NDE1: variants seen among roughly 807,000 people sequenced by gnomAD.
The protein encoded by NDE1 is nuclear distribution protein nudE homolog 1.
NDE1 carries 28 observed loss-of-function variants against 43.4 expected under a neutral mutation model. The observed-to-expected ratio is 0.65, with a 90% CI of 0.48 to 0.89. NDE1 has a LOEUF of 0.89. Among genes scored for constraint, NDE1 ranks in the 40% least tolerant of loss-of-function variants. The probability of loss-of-function intolerance (pLI) is 0.00; values close to 1 mark genes in which losing one functional copy is unlikely to be tolerated. For synonymous variants in NDE1, 184 were observed against 172.0 expected (o/e 1.07, Z -0.55); for missense variants, 441 against 434.1 (o/e 1.02, Z -0.14).
At chr16:15,663,432 C>T (rs1031120447) in intron 1 of NDE1, among the ~76,000 whole-genome samples, 8 of 151,652 alleles carry the variant, frequency 5.3e-5, no homozygotes, top group East Asian at 1.9e-4. Context: ...TTAGTAGAGA[C>T]GGAGTTTCAC....
At chr16:15,717,103 C>G (rs528939317) in intron 8 of NDE1, 681 of 1,605,196 alleles carry the variant, frequency 4.2e-4, no homozygotes, top group Admixed American at 8.3e-4. Flanking sequence ...TCCATCACCC[C>G]CCTGCAAACT....
At position 15,687,437 on chromosome 16, in the gene NDE1, C is replaced by T. The variant is rs1349271433; in HGVS notation, c.449C>T (p.Ala150Val). Reference sequence around the variant, plus strand: ...TTGAATCAGGCCATCGAAAGAAATGCCTTCCTGGAAAGTGAACTTGATGAA... The same window carrying T: ...TTGAATCAGGCCATCGAAAGAAATGTCTTCCTGGAAAGTGAACTTGATGAA... ...QRLNQAIERNAFLESELDEKE... is the reference protein window; with the variant it reads ...QRLNQAIERNVFLESELDEKE... The change falls in exon 5 of 9, where the codon GCC becomes GTC. Residue 150 changes from alanine to valine, a missense_variant. Physicochemically the swap from Ala to Val is moderately conservative, Grantham distance 64. Coordinates refer to ENST00000396354, the MANE Select transcript of NDE1 (RefSeq NM_017668.3). The T allele has an allele frequency of 6.2e-7, 1 of 1,614,202 alleles. No individual in the cohort carries two copies. The highest frequency in any genetic ancestry group is 1.3e-5 in the African/African-American group (1 of 75,048).
intron 5 of NDE1, among the ~76,000 whole-genome samples, chr16:15,690,337 C>CTTTTTTTTTTTTCT (rs2038671438): frequency 1.3e-5 from 1 of 74,108 alleles, no homozygotes; most frequent in Non-Finnish European, 2.7e-5. Flanking sequence ...TGCAACTGGC[C>CTTTTTTTTTTTTCT]TTTTTTTTTT....
At chr16:15,668,280 T>C (rs989484947) in intron 3 of NDE1, among the ~76,000 whole-genome samples, 4 of 152,102 alleles carry the variant, frequency 2.6e-5, no homozygotes, top group African/African-American at 9.7e-5. Context: ...GGAGAATCAC[T>C]TGATGGTTGG....
intron 1 of NDE1, among the ~76,000 whole-genome samples, chr16:15,655,497 G>A (rs1238361305): frequency 6.6e-6 from 1 of 152,210 alleles, no homozygotes; most frequent in African/African-American, 2.4e-5. Flanking sequence ...TTTTAAGGAT[G>A]TGGAGAAATA....
rs140655127 is a variant in NDE1 at position 15,716,379 on chromosome 16, G to C, written c.948-7812G>C. Among the ~76,000 whole-genome samples, 1,099 of 152,324 alleles carry C rather than the reference G, an allele frequency of 7.2e-3. 12 individuals carry two copies. Among genetic ancestry groups the C allele is most frequent in the African/African-American group, 0.026 (1,071 of 41,568 alleles). ...GTGCGAATTACTGAAAAAGCTACTAGAAGAGAATGGGTGAGAATCCTTAGA... is the reference window on the plus strand; with the variant it reads ...GTGCGAATTACTGAAAAAGCTACTACAAGAGAATGGGTGAGAATCCTTAGA... On this transcript the variant is annotated intron_variant, in intron 8 of 8. Transcript: ENST00000396354.
At position 15,679,348 on chromosome 16, in the gene NDE1, C is replaced by T. The variant is rs144210513; in HGVS notation, c.386+1399C>T. On this transcript the variant is annotated intron_variant, in intron 4 of 8. Transcript: ENST00000396354. Reference sequence around the variant, plus strand: ...TTCTTTTTCTCCTGTCCGTCTCGGACGCCATCTATACACATAACCTTTTTA... The same window carrying T: ...TTCTTTTTCTCCTGTCCGTCTCGGATGCCATCTATACACATAACCTTTTTA... Among the ~76,000 whole-genome samples the T allele has an allele frequency of 2.6e-3, 394 of 152,262 alleles. 1 individual carries two copies. The highest frequency in any genetic ancestry group is 8.6e-3 in the African/African-American group (359 of 41,566).
chr16:15,706,703 CA>C (rs1309892852), intron 8 of NDE1, among the ~76,000 whole-genome samples: 23 of 127,958 alleles, frequency 1.8e-4, no homozygotes, highest in African/African-American at 2.6e-4. Context: ...AGACTGTCTC[CA>C]AAAAAAAAAA....
At chr16:15,692,070 A>T (rs1488698300) in intron 6 of NDE1, among the ~76,000 whole-genome samples, 2 of 151,168 alleles carry the variant, frequency 1.3e-5, no homozygotes, top group Non-Finnish European at 2.9e-5. Flanking sequence ...GCATGGGCAG[A>T]AAAAAAGAAT....
chr16:15,654,155 G>A (rs978819451), intron 1 of NDE1, among the ~76,000 whole-genome samples: 1 of 152,138 alleles, frequency 6.6e-6, no homozygotes, highest in Non-Finnish European at 1.5e-5. Flanking sequence ...AGAGCTGCTG[G>A]GGCATGATGG....
intron 8 of NDE1, among the ~76,000 whole-genome samples, chr16:15,700,964 G>A (rs1044717643): frequency 2.0e-5 from 3 of 152,118 alleles, no homozygotes; most frequent in East Asian, 1.9e-4. Context: ...GGCTGGGCGC[G>A]GTGGCTCAGG....
At chr16:15,651,075 T>C (rs1171175527) in intron 1 of NDE1, among the ~76,000 whole-genome samples, 3 of 152,220 alleles carry the variant, frequency 2.0e-5, no homozygotes, top group African/African-American at 7.2e-5. Context: ...GAAACCCCGC[T>C]GTCACCTTGA....
Position 15,724,726 on chromosome 16 carries a change from T to C in NDE1, c.*475T>C, listed in dbSNP as rs371790612. The C allele has an allele frequency of 1.2e-6, 2 of 1,614,182 alleles. No homozygotes were observed. Among genetic ancestry groups the C allele is most frequent in the South Asian group, 1.1e-5 (1 of 91,092 alleles). On this transcript the variant is annotated 3_prime_UTR_variant, in exon 9 of 9. Transcript: ENST00000396354. ...CTCGTCCAGCTGGTCTTGCAGGCTG[T>C]TCCGCTCCTCCTCCAGCTGGCGCAG...
At chr16:15,652,322 G>C (rs1038531387) in intron 1 of NDE1, among the ~76,000 whole-genome samples, 2 of 152,146 alleles carry the variant, frequency 1.3e-5, no homozygotes, top group African/African-American at 4.8e-5. Context: ...TTACTTGCAG[G>C]CATGAGCCAC....
chr16:15,664,788 T>A lies in NDE1; in HGVS notation c.10T>A (p.Ser4Thr). MED[S>T]GKTFSSEEEE... ...TTCCCCTGTTTTCACAATGGAGGAC[T>A]CCGGAAAGACTTTCAGCTCCGAGGA... The change falls in exon 2 of 9, where the codon TCC (serine) becomes ACC (threonine). Residue 4 changes from serine (S) to threonine (T), a missense_variant. Ser to Thr is a moderately conservative substitution (Grantham distance 58). Transcript: ENST00000396354. 6.2e-7 allele frequency: 1 copy of A among 1,612,386 alleles called. No homozygotes were observed. Among genetic ancestry groups the A allele is most frequent in the African/African-American group, 1.3e-5 (1 of 74,874 alleles).
intron 2 of NDE1, among the ~76,000 whole-genome samples, chr16:15,666,356 C>T (rs1555537701): frequency 1.3e-5 from 2 of 152,028 alleles, no homozygotes; most frequent in Non-Finnish European, 2.9e-5. Flanking sequence ...CAGTGGCTCA[C>T]ATCTGTAATC....
chr16:15,672,481 C>T (rs900044292), intron 3 of NDE1, among the ~76,000 whole-genome samples: 3 of 152,124 alleles, frequency 2.0e-5, no homozygotes, highest in Admixed American at 1.3e-4. Flanking sequence ...GAGGACCCTG[C>T]CACCAGCAAG....
chr16:15,696,666 T>C (rs1373048868), intron 7 of NDE1, 43 bp from the exon 8 acceptor site: 1 of 1,613,854 alleles, frequency 6.2e-7, no homozygotes, highest in African/African-American at 1.3e-5. Context: ...GACAGAATAG[T>C]CCTTGCCTAT....
chr16:15,698,134 G>T (rs1403632601), intron 8 of NDE1, among the ~76,000 whole-genome samples: 2 of 151,848 alleles, frequency 1.3e-5, no homozygotes, highest in Non-Finnish European at 2.9e-5. Flanking sequence ...TAGAACCTTT[G>T]AGAAACTGGC....
Sources: allele counts gnomAD v4.1 joint callset (sites outside exome capture counted in the v4.1 genomes callset), GRCh38; gene constraint gnomAD v4.1.1; transcripts MANE v1.5; gene names NCBI Gene and HGNC (gene_info 2026-07-23, HGNC 2026-07-21).